Variants in FBXL20 observed in about 807,000 individuals in gnomAD.
FBXL20 encodes F-box/LRR-repeat protein 20.
FBXL20 carries 11 observed loss-of-function variants against 64.0 expected under a neutral mutation model. The ratio of observed to expected loss-of-function variants is 0.17; its 90% CI spans 0.11 to 0.28. FBXL20 has a LOEUF of 0.28. Among genes scored for constraint, FBXL20 ranks in the 10% least tolerant of loss-of-function variants. FBXL20 has a pLI of 1.00. For missense variants in FBXL20, 303 were observed against 526.2 expected (o/e 0.58, Z 4.15); for synonymous variants, 184 against 189.0 (o/e 0.97, Z 0.22).
At chr17:39,318,137 G>A (rs1442053112) in intron 2 of FBXL20, among the ~76,000 whole-genome samples, 1 of 152,128 alleles carries the variant, frequency 6.6e-6, no homozygotes, top group Non-Finnish European at 1.5e-5. Flanking sequence ...GCAAAATGTT[G>A]ACAATTATTG....
At chr17:39,385,689 G>A (rs1567905914) in intron 1 of FBXL20, among the ~76,000 whole-genome samples, 1 of 152,140 alleles carries the variant, frequency 6.6e-6, no homozygotes, top group Non-Finnish European at 1.5e-5. Context: ...AACTCAGCTG[G>A]AGTGAATGAA....
rs1451170094 is a variant in FBXL20, at chr17:39,258,015, C to T, written c.*3445G>A. ...TGATTTGGATGTTCAAGAACTTTCT[C>T]CAGAGACACTACAGTAATTCCTCCT... On this transcript the variant is annotated 3_prime_UTR_variant, in exon 15 of 15. Transcript: ENST00000264658. The T allele has an allele frequency of 6.6e-6, 1 of 152,274 alleles. No homozygotes were observed. The highest frequency in any genetic ancestry group is 2.4e-5 in the African/African-American group (1 of 41,448). The allele number at this position is 152,274 out of a possible 1,614,324, so 9.4% of individuals were successfully genotyped here.
intron 1 of FBXL20, among the ~76,000 whole-genome samples, chr17:39,354,605 T>C (rs2047718460): frequency 6.6e-6 from 1 of 152,212 alleles, no homozygotes; most frequent in African/African-American, 2.4e-5. Context: ...CAATGAATGT[T>C]ATTTATACGT....
intron 1 of FBXL20, among the ~76,000 whole-genome samples, chr17:39,370,787 T>C (rs999562145): frequency 7.3e-6 from 1 of 136,694 alleles, no homozygotes; most frequent in African/African-American, 2.8e-5. Context: ...AGAGCGAGAC[T>C]CCGTCTCAAA....
At position 39,261,503 on chromosome 17, in the gene FBXL20, C is replaced by T; in HGVS notation, c.1268G>A (p.Gly423Glu). ...TCTGCAGAAGCGCTGTCTGCTGCCC[C>T]CTACTGATGGGGGTGGAGTGACAGG... ...FAPVTPPPSVGGSRQRFCRCC... is the reference protein window; with the variant it reads ...FAPVTPPPSVEGSRQRFCRCC... Residue 423 changes from glycine to glutamate, a missense_variant, in exon 15 of 15, where the codon GGG becomes GAG. Physicochemically the swap from Gly to Glu is moderately conservative, Grantham distance 98 (BLOSUM62 -2). Around this residue, in one of 3 missense-constraint regions of FBXL20, gnomAD observed 56 missense variants for 86.0 expected, o/e 0.65. Coordinates refer to ENST00000264658, the MANE Select transcript of FBXL20 (RefSeq NM_032875.3). 1.2e-6 allele frequency: 2 copies of T among 1,614,010 alleles called. No individual in the cohort carries two copies. Among genetic ancestry groups the T allele is most frequent in the Non-Finnish European group, 1.7e-6 (2 of 1,179,914 alleles).
intron 2 of FBXL20, among the ~76,000 whole-genome samples, chr17:39,326,482 G>A (rs1294443542): frequency 2.0e-5 from 3 of 151,912 alleles, no homozygotes; most frequent in Non-Finnish European, 4.4e-5. Context: ...TTAGCTGGGT[G>A]TGGTGGCACC....
intron 6 of FBXL20, among the ~76,000 whole-genome samples, chr17:39,294,696 T>C (rs1229022156): frequency 2.0e-5 from 3 of 152,192 alleles, no homozygotes; most frequent in African/African-American, 4.8e-5. Context: ...TAAGATATTG[T>C]TTTTAGAGGA....
chr17:39,400,227 ACTTCCTAT>A (rs1444189907), intron 1 of FBXL20, among the ~76,000 whole-genome samples: 6 of 152,168 alleles, frequency 3.9e-5, no homozygotes, highest in Non-Finnish European at 5.9e-5. Context: ...CACCCAAAAC[ACTTCCTAT>A]CTTGATCTTC....
At chr17:39,370,432 G>C (rs139652159) in intron 1 of FBXL20, among the ~76,000 whole-genome samples, 1 of 151,486 alleles carries the variant, frequency 6.6e-6, no homozygotes, top group Non-Finnish European at 1.5e-5. Flanking sequence ...GGAGTTTGCA[G>C]TGAGCCAAGA....
At chr17:39,363,130 C>T (rs544350120) in intron 1 of FBXL20, among the ~76,000 whole-genome samples, 1 of 151,850 alleles carries the variant, frequency 6.6e-6, no homozygotes, top group East Asian at 2.0e-4. Context: ...CCCTCCCGAG[C>T]TACTAGGGAG....
At chr17:39,266,206 T>TTACAGGC (rs1464609098) in intron 12 of FBXL20, among the ~76,000 whole-genome samples, 1 of 150,580 alleles carries the variant, frequency 6.6e-6, no homozygotes, top group Non-Finnish European at 1.5e-5. Context: ...GTAGCTGGGA[T>TTACAGGC]TACAGGCTAG....
chr17:39,368,408 T>A (rs2047882440), intron 1 of FBXL20, among the ~76,000 whole-genome samples: 3 of 152,024 alleles, frequency 2.0e-5, no homozygotes, highest in Middle Eastern at 3.2e-3. Flanking sequence ...AACTTAAAAA[T>A]TTTTAAGAAT....
In FBXL20 at chr17:39,337,089, G is replaced by A. The variant is rs904194550; in HGVS notation, c.104+6091C>T. ...TCGGCTCACTGCAACCTCCCTGCCT[G>A]ATTCTCCTGCCTCAGCCTGCCGAGT... On this transcript the variant is annotated intron_variant, in intron 2 of 14. Transcript: ENST00000264658. 2.8e-3 allele frequency among the ~76,000 whole-genome samples: 424 copies of A among 151,852 alleles called. 3 individuals are homozygous for A. Among genetic ancestry groups the A allele is most frequent in the African/African-American group, 9.6e-3 (395 of 41,240 alleles).
intron 1 of FBXL20, among the ~76,000 whole-genome samples, chr17:39,394,263 G>C (rs939606701): frequency 4.0e-5 from 6 of 149,094 alleles, no homozygotes; most frequent in African/African-American, 1.5e-4. Context: ...CACAGTACTA[G>C]TTAGATTACT....
chr17:39,365,997 A>T (rs35051623), intron 1 of FBXL20, among the ~76,000 whole-genome samples: 16,612 of 147,650 alleles, frequency 0.11, 2,252 homozygotes, highest in African/African-American at 0.33. Context: ...ATTTAAAAAA[A>T]TTTTTTTTTT....
At chr17:39,344,181 G>T (rs9909064) in intron 1 of FBXL20, among the ~76,000 whole-genome samples, 57,525 of 151,070 alleles carry the variant, frequency 0.38, 13,985 homozygotes, top group African/African-American at 0.7. Context: ...GAACTCTGTC[G>T]CTACCAAAAA....
chr17:39,340,733 A>T (rs2047574544), intron 2 of FBXL20, among the ~76,000 whole-genome samples: 1 of 152,158 alleles, frequency 6.6e-6, no homozygotes, highest in African/African-American at 2.4e-5. Flanking sequence ...CCTAATAAAA[A>T]GTCAGTTTTT....
intron 1 of FBXL20, among the ~76,000 whole-genome samples, chr17:39,354,727 G>A: frequency 6.6e-6 from 1 of 152,090 alleles, no homozygotes. Flanking sequence ...TGCAAAAAAT[G>A]CAATAAAAAT....
chr17:39,305,427 AG>A (rs1312591594), intron 2 of FBXL20, among the ~76,000 whole-genome samples: 1 of 152,242 alleles, frequency 6.6e-6, no homozygotes, highest in Non-Finnish European at 1.5e-5. Context: ...ATGGGAGATC[AG>A]GCAAGGTGGC....
Sources: gnomAD v4.1 joint callset for allele counts (sites outside exome capture counted in the v4.1 genomes callset) on GRCh38, gnomAD v4.1.1 for gene constraint, gnomAD v4.1.1 regional missense constraint, MANE v1.5 for transcripts, NCBI Gene and HGNC (gene_info 2026-07-23, HGNC 2026-07-21) for gene names.